Variants in NNT observed in about 807,000 individuals in gnomAD.
NNT encodes the protein nicotinamide nucleotide transhydrogenase, also known as NAD(P) transhydrogenase, mitochondrial.
NNT carries 50 observed loss-of-function variants against 104.8 expected under a neutral mutation model. The ratio of observed to expected loss-of-function variants is 0.48; its 90% confidence interval spans 0.38 to 0.60. NNT has a LOEUF of 0.60. NNT is among the 20% of genes least tolerant of loss of function. The pLI is 0.00. For missense variants in NNT, 1,131 were observed against 1,330.7 expected (o/e 0.85, Z 2.33); for synonymous variants, 461 against 490.4 (o/e 0.94, Z 0.79).
At chr5:43,685,051 G>A (rs1324496922) in intron 19 of NNT, among the ~76,000 whole-genome samples, 2 of 152,148 alleles carry the variant, frequency 1.3e-5, no homozygotes, top group Non-Finnish European at 2.9e-5. Context: ...AAAACAGTGT[G>A]CAAACATTTT....
chr5:43,690,844 T>G (rs926987135), intron 19 of NNT, among the ~76,000 whole-genome samples: 2 of 152,186 alleles, frequency 1.3e-5, no homozygotes, highest in African/African-American at 4.8e-5. Context: ...TCTCTCCCTC[T>G]GACCCACAAA....
chr5:43,613,814 C>G (rs772337905), intron 3 of NNT, among the ~76,000 whole-genome samples: 1 of 152,066 alleles, frequency 6.6e-6, no homozygotes, highest in Non-Finnish European at 1.5e-5. Flanking sequence ...CCAAAGCAAA[C>G]AGGGAAGTAA....
At chr5:43,684,932 A>G (rs1741904406) in intron 19 of NNT, among the ~76,000 whole-genome samples, 1 of 152,204 alleles carries the variant, frequency 6.6e-6, no homozygotes, top group Non-Finnish European at 1.5e-5. Flanking sequence ...CCCTCCTCAG[A>G]ATGTAACACT....
At chr5:43,677,134 G>A (rs1741455348) in intron 18 of NNT, among the ~76,000 whole-genome samples, 1 of 152,010 alleles carries the variant, frequency 6.6e-6, no homozygotes, top group Non-Finnish European at 1.5e-5. Context: ...GATGGGACAA[G>A]AGCCATGTTA....
chr5:43,638,919 TC>T (rs992357601), intron 7 of NNT, among the ~76,000 whole-genome samples: 5 of 152,086 alleles, frequency 3.3e-5, no homozygotes, highest in African/African-American at 1.2e-4. Flanking sequence ...TTGGTTCTTT[TC>T]CCATTAAGAT....
At chr5:43,625,919 G>C (rs1218291245) in intron 6 of NNT, among the ~76,000 whole-genome samples, 1 of 151,928 alleles carries the variant, frequency 6.6e-6, no homozygotes, top group Admixed American at 6.6e-5. Context: ...TAATTTTACT[G>C]TTCCATTTAT....
intron 19 of NNT, among the ~76,000 whole-genome samples, chr5:43,694,636 G>A (rs1036993269): frequency 6.6e-5 from 10 of 152,088 alleles, no homozygotes; most frequent in Admixed American, 6.5e-4. Flanking sequence ...AAGCCTACTT[G>A]ATTGTGGTGT....
intron 19 of NNT, among the ~76,000 whole-genome samples, chr5:43,692,136 C>T (rs1742314477): frequency 1.3e-5 from 2 of 152,154 alleles, no homozygotes; most frequent in Non-Finnish European, 2.9e-5. Context: ...CAACTACTGT[C>T]TGATTATAGA....
intron 21 of NNT, among the ~76,000 whole-genome samples, chr5:43,703,000 A>C (rs1313894065): frequency 6.6e-6 from 1 of 152,212 alleles, no homozygotes; most frequent in Non-Finnish European, 1.5e-5. Context: ...AGCTGAAAAA[A>C]GAGCTGTGAG....
At chr5:43,678,886 T>C (rs1278596486) in intron 19 of NNT, among the ~76,000 whole-genome samples, 1 of 152,232 alleles carries the variant, frequency 6.6e-6, no homozygotes, top group Non-Finnish European at 1.5e-5. Context: ...TCTTCCTTCC[T>C]TTGTTTCCTA....
At chr5:43,689,453 A>C (rs1742152045) in intron 19 of NNT, among the ~76,000 whole-genome samples, 1 of 152,190 alleles carries the variant, frequency 6.6e-6, no homozygotes, top group African/African-American at 2.4e-5. Context: ...GTTTTTGGTC[A>C]TGAAATCCTC....
chr5:43,644,957 A>C (rs1264771671), intron 9 of NNT, among the ~76,000 whole-genome samples, 155 bp downstream of exon 9: 3 of 152,224 alleles, frequency 2.0e-5, no homozygotes, highest in Non-Finnish European at 4.4e-5. Flanking sequence ...TAAATGCAGA[A>C]TGATTTAAAG....
intron 7 of NNT, among the ~76,000 whole-genome samples, chr5:43,631,714 C>T (rs1433288793): frequency 6.6e-6 from 1 of 152,120 alleles, no homozygotes; most frequent in African/African-American, 2.4e-5. Context: ...GGGCCTTCCC[C>T]TCTCCCCATA....
chr5:43,653,234 G>A, intron 14 of NNT, 21 bp downstream of exon 14: 1 of 1,584,296 alleles, frequency 6.3e-7, no homozygotes, highest in Non-Finnish European at 8.6e-7. Flanking sequence ...GTGGGCTTCT[G>A]CCTTCATGTG....
At chr5:43,609,380 C>T (rs769575257) in intron 2 of NNT, 34 bp downstream of exon 2, 2 of 1,606,316 alleles carry the variant, frequency 1.2e-6, no homozygotes, top group South Asian at 1.1e-5. Context: ...TAAATGAAAC[C>T]TTCAAGTCAT....
intron 10 of NNT, among the ~76,000 whole-genome samples, chr5:43,645,978 G>A (rs1013722528): frequency 6.6e-6 from 1 of 151,766 alleles, no homozygotes; most frequent in African/African-American, 2.4e-5. Flanking sequence ...CTCCCAAAGT[G>A]CTGAGATTAC....
rs1359324110 is a variant in NNT at position 43,705,134 on chromosome 5, T to A, written c.*730T>A. On this transcript the variant is annotated 3_prime_UTR_variant, in exon 22 of 22. Coordinates refer to ENST00000344920, the MANE Select transcript of NNT (RefSeq NM_182977.3). ...TGAAGATCCCATTTCTAATTGGAGATCTCTTTAATTTCGATCAACTTATAA... is the reference window on the plus strand; with the variant it reads ...TGAAGATCCCATTTCTAATTGGAGAACTCTTTAATTTCGATCAACTTATAA... 6.6e-6 allele frequency: 1 copy of A among 152,164 alleles called. No individual in the cohort carries two copies. The highest frequency in any genetic ancestry group is 1.9e-4 in the East Asian group (1 of 5,202). The allele number at this position is 152,164 out of a possible 1,614,324, so 9.4% of individuals were successfully genotyped here.
intron 14 of NNT, 115 bp from the exon 15 acceptor site, chr5:43,655,725 G>A: frequency 1.4e-6 from 1 of 737,674 alleles, no homozygotes; most frequent in Non-Finnish European, 2.3e-6. Flanking sequence ...GCCCGTACTA[G>A]GAACTAGATA....
chr5:43,652,994 C>G, intron 13 of NNT, 24 bp from the exon 14 acceptor site: 1 of 1,581,716 alleles, frequency 6.3e-7, no homozygotes, highest in Non-Finnish European at 8.6e-7. Context: ...TTAATAATCT[C>G]TCTCTCACTT....
Sources: gnomAD v4.1 joint callset for allele counts (sites outside exome capture counted in the v4.1 genomes callset) on GRCh38, gnomAD v4.1.1 for gene constraint, MANE v1.5 for transcripts, NCBI Gene and HGNC (gene_info 2026-07-23, HGNC 2026-07-21) for gene names.